Variants in HS6ST3 observed in about 807,000 individuals in gnomAD.
HS6ST3 encodes the protein heparan-sulfate 6-O-sulfotransferase 3.
In HS6ST3, 12 loss-of-function variants were observed where a neutral mutation model predicts 36.7. The observed-to-expected ratio is 0.33, with a 90% CI of 0.21 to 0.53. The LOEUF (loss-of-function observed/expected upper bound fraction) is 0.53. HS6ST3 is among the 20% of genes least tolerant of loss of function. The pLI, the probability that HS6ST3 is intolerant of heterozygous loss-of-function variation, is 0.95. For missense variants in HS6ST3, 584 were observed against 640.9 expected (o/e 0.91, Z 0.96); for synonymous variants, 240 against 257.5 (o/e 0.93, Z 0.65).
intron 1 of HS6ST3, among the ~76,000 whole-genome samples, chr13:96,589,017 C>T (rs2056372969): frequency 6.8e-6 from 1 of 146,716 alleles, no homozygotes; most frequent in South Asian, 2.2e-4. Context: ...CACCACTGCA[C>T]TCCAGCCTGG....
At chr13:96,249,294 T>C (rs1240855038) in intron 1 of HS6ST3, among the ~76,000 whole-genome samples, 2 of 152,158 alleles carry the variant, frequency 1.3e-5, no homozygotes, top group Non-Finnish European at 2.9e-5. Context: ...CAGGAGGTGG[T>C]GGACTTTGCT....
chr13:96,463,231 T>A (rs139282059), intron 1 of HS6ST3, among the ~76,000 whole-genome samples: 102 of 152,244 alleles, frequency 6.7e-4, no homozygotes, highest in African/African-American at 2.4e-3. Context: ...AATACAGGCT[T>A]ATTTAAATCT....
rs564137625 is a variant in HS6ST3, at chr13:96,838,023, A to G, written c.*4825A>G. The G allele has an allele frequency of 8.5e-5, 13 of 152,280 alleles. No individual in the cohort carries two copies. Among genetic ancestry groups the G allele is most frequent in the African/African-American group, 3.1e-4 (13 of 41,560 alleles). The allele number at this position is 152,280 out of a possible 1,614,324, so 9.4% of individuals were successfully genotyped here. A position where few individuals can be genotyped will look rare whatever the true frequency, so the allele number is the denominator to read the frequency against. ...AGTTGTCCTAAGATAACATCTGCAC[A>G]CAGAGAGTTTATCTGATTCCTTATC... On this transcript the variant is annotated 3_prime_UTR_variant, in exon 2 of 2. Coordinates refer to ENST00000376705, the MANE Select transcript of HS6ST3 (RefSeq NM_153456.4).
At chr13:96,279,259 A>T (rs554820181) in intron 1 of HS6ST3, among the ~76,000 whole-genome samples, 186 of 152,260 alleles carry the variant, frequency 1.2e-3, no homozygotes, top group Non-Finnish European at 2.1e-3. Context: ...TCCTTTAATC[A>T]TTATGCTAAT....
At chr13:96,462,205 GACA>G (rs2139492645) in intron 1 of HS6ST3, among the ~76,000 whole-genome samples, 1 of 152,150 alleles carries the variant, frequency 6.6e-6, no homozygotes, top group South Asian at 2.1e-4. Flanking sequence ...AAGAAGCTAG[GACA>G]ACAAGTGTGT....
At chr13:96,667,503 C>T (rs1347333297) in intron 1 of HS6ST3, among the ~76,000 whole-genome samples, 2 of 152,194 alleles carry the variant, frequency 1.3e-5, no homozygotes, top group Non-Finnish European at 2.9e-5. Flanking sequence ...TTCCTAAACT[C>T]CATCTCCATC....
intron 1 of HS6ST3, among the ~76,000 whole-genome samples, chr13:96,745,420 T>C (rs1311873316): frequency 6.6e-6 from 1 of 152,068 alleles, no homozygotes; most frequent in Non-Finnish European, 1.5e-5. Context: ...GTTGTAAAAG[T>C]GATGACCTCT....
chr13:96,479,888 G>T (rs969393224), intron 1 of HS6ST3, among the ~76,000 whole-genome samples: 6 of 152,114 alleles, frequency 3.9e-5, no homozygotes, highest in Admixed American at 1.3e-4. Context: ...CACCATGACA[G>T]TGAGAGACAA....
chr13:96,369,112 C>T lies in HS6ST3; in HGVS notation c.707+277543C>T, dbSNP rs1007368703. On this transcript the variant is annotated intron_variant, in intron 1 of 1. Transcript: ENST00000376705. ...GGGTGTGAGAGTTGAGGGGAGGTTG[C>T]GTACCGATAATCTTGATGGCATGAT... is the stretch of plus-strand genomic sequence containing the variant. 2.6e-5 allele frequency among the ~76,000 whole-genome samples: 4 copies of T among 152,016 alleles called. No homozygotes were observed. In the South Asian group the frequency reaches 6.2e-4, roughly 24 times the overall value.
intron 1 of HS6ST3, among the ~76,000 whole-genome samples, chr13:96,568,925 A>G (rs1006417611): frequency 2.6e-5 from 4 of 152,196 alleles, no homozygotes; most frequent in Non-Finnish European, 5.9e-5. Context: ...AAAATCATCC[A>G]TAAGTGTGGA....
intron 1 of HS6ST3, among the ~76,000 whole-genome samples, chr13:96,171,694 T>G (rs548659750): frequency 1.3e-5 from 2 of 152,230 alleles, no homozygotes; most frequent in African/African-American, 2.4e-5. Context: ...ACAAATAAAT[T>G]TAATTGTTCT....
intron 1 of HS6ST3, among the ~76,000 whole-genome samples, chr13:96,434,459 G>C (rs71434516): frequency 0.02 from 3,044 of 152,238 alleles, 104 homozygotes; most frequent in African/African-American, 0.067. Context: ...CTAGCCAAAT[G>C]GCTCCCTGCA....
intron 1 of HS6ST3, among the ~76,000 whole-genome samples, chr13:96,093,853 A>G (rs2053776907): frequency 6.6e-6 from 1 of 152,212 alleles, no homozygotes; most frequent in African/African-American, 2.4e-5. Flanking sequence ...AGTCAACTAG[A>G]TTAGCCTGGA....
In HS6ST3 at chr13:96,214,608, A is replaced by G. The variant is rs533226192; in HGVS notation, c.707+123039A>G. On this transcript the variant is annotated intron_variant, in intron 1 of 1. Coordinates refer to ENST00000376705, the MANE Select transcript of HS6ST3 (RefSeq NM_153456.4). Reference sequence around the variant, plus strand: ...TTTAATTTTTAATTTTTATGGGTACATAGTAGGTGTATATGGGATGTGCCT... The same window carrying G: ...TTTAATTTTTAATTTTTATGGGTACGTAGTAGGTGTATATGGGATGTGCCT... Among the ~76,000 whole-genome samples the G allele has an allele frequency of 9.2e-5, 14 of 152,274 alleles. 1 individual carries two copies. The highest frequency in any genetic ancestry group is 3.1e-4 in the African/African-American group (13 of 41,558).
intron 1 of HS6ST3, among the ~76,000 whole-genome samples, chr13:96,176,310 A>G (rs1204449242): frequency 6.6e-6 from 1 of 152,200 alleles, no homozygotes; most frequent in African/African-American, 2.4e-5. Context: ...CGTTTCTTAT[A>G]TAAACAGTAC....
chr13:96,147,342 C>G (rs2054063079), intron 1 of HS6ST3, among the ~76,000 whole-genome samples: 1 of 152,192 alleles, frequency 6.6e-6, no homozygotes, highest in African/African-American at 2.4e-5. Flanking sequence ...CATTAACTGT[C>G]TCTTACAGAG....
chr13:96,820,381 G>A (rs999983658), intron 1 of HS6ST3, among the ~76,000 whole-genome samples: 2 of 152,144 alleles, frequency 1.3e-5, no homozygotes, highest in Non-Finnish European at 2.9e-5. Flanking sequence ...AAGGGAGAAC[G>A]CTGAAGTGCG....
chr13:96,380,959 T>C (rs762706270), intron 1 of HS6ST3, among the ~76,000 whole-genome samples: 48 of 152,358 alleles, frequency 3.2e-4, no homozygotes, highest in Non-Finnish European at 4.3e-4. Context: ...AGAAGATAGA[T>C]GGAGGCATAA....
chr13:96,117,709 A>G (rs1365822320), intron 1 of HS6ST3, among the ~76,000 whole-genome samples: 1 of 152,186 alleles, frequency 6.6e-6, no homozygotes, highest in Non-Finnish European at 1.5e-5. Context: ...TGTAAACTAT[A>G]ATGTTAAGTG....
Sources: gnomAD v4.1 joint callset for allele counts (sites outside exome capture counted in the v4.1 genomes callset) on GRCh38, gnomAD v4.1.1 for gene constraint, MANE v1.5 for transcripts, NCBI Gene and HGNC (gene_info 2026-07-23, HGNC 2026-07-21) for gene names.